Variants in MACF1 observed in about 807,000 individuals in gnomAD.
MACF1 encodes microtubule-actin cross-linking factor 1.
MACF1 carries 193 observed loss-of-function variants against 854.8 expected under a neutral mutation model. The ratio of observed to expected loss-of-function variants is 0.23; its 90% CI spans 0.20 to 0.25. The LOEUF (loss-of-function observed/expected upper bound fraction) is 0.25. Ranked by LOEUF, MACF1 falls within the 10% of genes least tolerant of loss-of-function variation. The pLI is 1.00. For missense variants in MACF1, 7,722 were observed against 8,929.1 expected, an observed-to-expected ratio of 0.86 and a Z score of 5.45; for synonymous variants, 3,185 against 3,226.7, an observed-to-expected ratio of 0.99 and a Z score of 0.44.
chr1:39,470,395 C>T (rs1030996547), intron 97 of MACF1, among the ~76,000 whole-genome samples: 4 of 152,140 alleles, frequency 2.6e-5, no homozygotes, highest in Non-Finnish European at 5.9e-5. Flanking sequence ...AATCCCAGTA[C>T]ATTGGGAGCC....
intron 22 of MACF1, among the ~76,000 whole-genome samples, chr1:39,300,848 C>G (rs1226289555): frequency 1.3e-5 from 2 of 152,084 alleles, no homozygotes; most frequent in African/African-American, 4.8e-5. Context: ...AGTTCAAGAC[C>G]AGCTTGCGTC....
chr1:39,412,639 T>G lies in MACF1; in HGVS notation c.15817-9735T>G, dbSNP rs201767401. 1,264 of 1,613,828 alleles carry G rather than the reference T, an allele frequency of 7.8e-4. 2 individuals are homozygous for G. Among genetic ancestry groups the G allele is most frequent in the Non-Finnish European group, 9.5e-4 (1,115 of 1,179,854 alleles). On this transcript the variant is annotated intron_variant, in intron 58 of 100. Transcript: ENST00000564288. ...AAAGCCTGAGCTGAATGTGGCATCA[T>G]CAGAGGGAGGGGAGATGGAAAGGAG... is the stretch of plus-strand genomic sequence containing the variant.
At chr1:39,155,411 G>A (rs1643663616) in intron 2 of MACF1, among the ~76,000 whole-genome samples, 1 of 152,146 alleles carries the variant, frequency 6.6e-6, no homozygotes, top group Non-Finnish European at 1.5e-5. Flanking sequence ...GGTGGGAAGA[G>A]TCTCTGAATA....
chr1:39,108,506 GTTTTT>G (rs778050199), intron 2 of MACF1, among the ~76,000 whole-genome samples: 3 of 120,672 alleles, frequency 2.5e-5, no homozygotes, highest in African/African-American at 3.1e-5. Context: ...ACATGAGAGG[GTTTTT>G]TTTTTTTTTT....
At chr1:39,378,244 A>G (rs663834) in intron 52 of MACF1, among the ~76,000 whole-genome samples, 6,226 of 152,288 alleles carry the variant, frequency 0.041, 343 homozygotes, top group African/African-American at 0.12. Context: ...AATTTCCTCT[A>G]GAAGGGATTA....
In MACF1 at chr1:39,283,031, AC is replaced by A; in HGVS notation, c.696-157del. 2 of 591,124 alleles carry A rather than the reference AC, an allele frequency of 3.4e-6. No homozygotes were observed. Among genetic ancestry groups the A allele is most frequent in the South Asian group, 4.3e-5 (2 of 46,410 alleles). The allele number at this position is 591,124 out of a possible 1,614,324, so 36.6% of individuals were successfully genotyped here. A position where few individuals can be genotyped will look rare whatever the true frequency, so the allele number is the denominator to read the frequency against. On this transcript the variant is annotated intron_variant, in intron 7 of 100. Transcript: ENST00000564288. This position sits in a 1 kb window ranked among gnomAD's most constrained non-coding sequence, Gnocchi z 4.5. ...AGGGAGCACTGGGCCCCTGGTGTAT[AC>A]TTAAAAATGGAATTTGTACTCTTCT...
In MACF1 at chr1:39,413,014, C is replaced by T. The variant is rs771771927; in HGVS notation, c.15817-9360C>T. 15 of 1,583,166 alleles carry T rather than the reference C, an allele frequency of 9.5e-6. No homozygotes were observed. The South Asian group carries it at 1.6e-4, about 17-fold the overall frequency. On this transcript the variant is annotated intron_variant, in intron 58 of 100. Transcript: ENST00000564288. ...TGTCCCAGCTGTTACAGTATCTGTC[C>T]CTGAAGGGACTGCTGCAGTTGCTGC...
At chr1:39,430,219 T>C (rs190564839) in intron 65 of MACF1, 151 bp downstream of exon 65, 67 of 815,394 alleles carry the variant, frequency 8.2e-5, no homozygotes, top group Admixed American at 3.8e-4. Context: ...TAAAGACATA[T>C]ACGTTACACA....
At position 39,153,763 on chromosome 1, in the gene MACF1, G is replaced by A. The variant is rs527482028; in HGVS notation, c.220+69325G>A. Among the ~76,000 whole-genome samples the A allele has an allele frequency of 1.2e-4, 19 of 152,292 alleles. No individual in the cohort carries two copies. In the South Asian group the frequency reaches 1.5e-3, roughly 12 times the overall value. On this transcript the variant is annotated intron_variant, in intron 2 of 93. Transcript: ENST00000361689. ...GTCTTCCTTTCTTCAGCCCTGCAGA[G>A]GCAGCTGTGGCCCTGGGGACAGCCC... is the stretch of plus-strand genomic sequence containing the variant.
intron 2 of MACF1, among the ~76,000 whole-genome samples, chr1:39,099,753 A>G (rs1488625402): frequency 6.6e-6 from 1 of 152,136 alleles, no homozygotes; most frequent in South Asian, 2.1e-4. Flanking sequence ...TTGAACATCT[A>G]CTATGTGCAA....
chr1:39,481,749 G>A (rs1645016395), intron 99 of MACF1, among the ~76,000 whole-genome samples: 1 of 152,222 alleles, frequency 6.6e-6, no homozygotes, highest in African/African-American at 2.4e-5. Context: ...TAGTAGTGCA[G>A]TTTGCATTCC....
At chr1:39,440,622 A>T (rs1469656005) in intron 72 of MACF1, among the ~76,000 whole-genome samples, 1 of 151,992 alleles carries the variant, frequency 6.6e-6, no homozygotes, top group Non-Finnish European at 1.5e-5. Flanking sequence ...AGACCCCAGC[A>T]CTTCTGTTAT....
chr1:39,397,610 C>T (rs1413532165), intron 58 of MACF1, among the ~76,000 whole-genome samples: 11 of 151,662 alleles, frequency 7.3e-5, no homozygotes, highest in Admixed American at 6.6e-4. Context: ...CTTAGCCTAC[C>T]TTAAACATAC....
chr1:39,106,272 C>T (rs1259859366), intron 2 of MACF1, among the ~76,000 whole-genome samples: 1 of 152,052 alleles, frequency 6.6e-6, no homozygotes, highest in African/African-American at 2.4e-5. Context: ...AGACCTTACC[C>T]CCTCCATCTC....
chr1:39,247,637 A>G (rs1644997222), intron 2 of MACF1, among the ~76,000 whole-genome samples: 1 of 152,242 alleles, frequency 6.6e-6, no homozygotes, highest in Non-Finnish European at 1.5e-5. Context: ...TATTTACATC[A>G]TGGAAATCAG....
chr1:39,342,536 C>T (rs1372612421), intron 40 of MACF1, among the ~76,000 whole-genome samples: 6 of 133,650 alleles, frequency 4.5e-5, no homozygotes, highest in Non-Finnish European at 8.0e-5. Flanking sequence ...GGTTGGCAAA[C>T]TTTTTTTTTT....
At position 39,283,548 on chromosome 1, in the gene MACF1, C is replaced by T. The variant is rs762055950; in HGVS notation, c.915+33C>T. ...AACATTTTCCTAGAAGGCCTTCTGA[C>T]TTTGATTCATTTGGGTGAAATGCAT... is the stretch of plus-strand genomic sequence containing the variant. On this transcript the variant is annotated intron_variant, in intron 9 of 100. Coordinates refer to ENST00000564288, the MANE Select transcript of MACF1 (RefSeq NM_001394062.1). The surrounding 1 kb of genome is among the most constrained non-coding windows in gnomAD (Gnocchi z 4.5). 36 of 1,471,600 alleles carry T rather than the reference C, an allele frequency of 2.4e-5. No individual in the cohort carries two copies. The highest frequency in any genetic ancestry group is 3.4e-5 in the Non-Finnish European group (36 of 1,051,276). 91.2% of individuals were successfully genotyped at this position (1,471,600 alleles called of 1,614,324 possible). A position where few individuals can be genotyped will look rare whatever the true frequency, so the allele number is the denominator to read the frequency against.
Position 39,448,840 on chromosome 1 carries a change from G to A in MACF1, c.20258+77G>A, listed in dbSNP as rs540086887. ...GGTTCTTACCAGATTCTATAAAATG[G>A]TGATAAAGCTAATGCATCAGTAAGA... On this transcript the variant is annotated intron_variant, in intron 84 of 100. Coordinates refer to ENST00000564288, the MANE Select transcript of MACF1 (RefSeq NM_001394062.1). 111 of 1,255,334 alleles carry A rather than the reference G, an allele frequency of 8.8e-5. No individual in the cohort carries two copies. The African/African-American group carries it at 1.5e-3, about 17-fold the overall frequency. The allele number at this position is 1,255,334 out of a possible 1,614,324, so 77.8% of individuals were successfully genotyped here. A position where few individuals can be genotyped will look rare whatever the true frequency, so the allele number is the denominator to read the frequency against.
chr1:39,461,800 A>G, intron 92 of MACF1, 83 bp from the exon 93 acceptor site: 3 of 833,780 alleles, frequency 3.6e-6, no homozygotes, highest in Non-Finnish European at 5.1e-6. Flanking sequence ...TCAAAAAAAA[A>G]AAAAAAAAAA....
Sources: allele counts gnomAD v4.1 joint callset (sites outside exome capture counted in the v4.1 genomes callset), GRCh38; gene constraint gnomAD v4.1.1; non-coding constraint Gnocchi (gnomAD v3.1); transcripts MANE v1.5; gene names NCBI Gene and HGNC (gene_info 2026-07-23, HGNC 2026-07-21).